MEF2C: variants seen among roughly 807,000 people sequenced by gnomAD.
The protein encoded by MEF2C is myocyte enhancer factor 2C.
A neutral mutation model predicts 50.5 loss-of-function variants in MEF2C; 6 were observed. That is an observed-to-expected ratio of 0.12 (90% CI 0.07 to 0.23). The LOEUF (loss-of-function observed/expected upper bound fraction) is 0.23, where lower values mean the gene tolerates loss of function less well. MEF2C is among the 10% of genes least tolerant of loss of function. The probability of loss-of-function intolerance (pLI) is 1.00; values close to 1 mark genes in which losing one functional copy is unlikely to be tolerated. For synonymous variants in MEF2C, 183 were observed against 228.0 expected, an observed-to-expected ratio of 0.80 and a Z score of 1.78; for missense variants, 276 against 605.0, an observed-to-expected ratio of 0.46 and a Z score of 5.70.
intron 6 of MEF2C, chr5:88,737,578 A>G (rs569294898): frequency 5.6e-5 from 55 of 985,268 alleles, no homozygotes; most frequent in Non-Finnish European, 6.6e-5. Flanking sequence ...TTTTCACCAA[A>G]AGATAAGCTG....
chr5:88,817,265 AAAGT>A (rs1441335549), intron 2 of MEF2C, among the ~76,000 whole-genome samples: 1 of 151,998 alleles, frequency 6.6e-6, no homozygotes, highest in African/African-American at 2.4e-5. Flanking sequence ...AAACCAGGAA[AAAGT>A]AAGGAGTAAA....
At chr5:88,876,677 C>T (rs1581893911) in intron 1 of MEF2C, among the ~76,000 whole-genome samples, 1 of 151,930 alleles carries the variant, frequency 6.6e-6, no homozygotes, top group South Asian at 2.1e-4. Flanking sequence ...GAAGGATGCA[C>T]ATTCTCTTGC....
intron 3 of MEF2C, among the ~76,000 whole-genome samples, chr5:88,783,823 A>T (rs779250780): frequency 1.3e-5 from 2 of 152,106 alleles, no homozygotes; most frequent in Admixed American, 6.5e-5. Flanking sequence ...TTCTACCTTA[A>T]TTGGACTGTA....
chr5:88,821,781 G>A (rs540659501), intron 2 of MEF2C, among the ~76,000 whole-genome samples: 1 of 151,804 alleles, frequency 6.6e-6, no homozygotes, highest in African/African-American at 2.4e-5. Flanking sequence ...ATGGAGTGGG[G>A]AGGGGATAAA....
intron 1 of MEF2C, among the ~76,000 whole-genome samples, chr5:88,838,016 C>A (rs886413547): frequency 1.9e-4 from 29 of 152,152 alleles, no homozygotes; most frequent in African/African-American, 7.0e-4. Context: ...CAAGGTCACA[C>A]AGCTAGTGTT....
intron 3 of MEF2C, among the ~76,000 whole-genome samples, chr5:88,788,920 T>C (rs1480778509): frequency 6.6e-6 from 1 of 152,208 alleles, no homozygotes; most frequent in African/African-American, 2.4e-5. Flanking sequence ...AATAAACTTA[T>C]GTCCTATTGA....
At chr5:88,830,624 T>C (rs570169596) in intron 1 of MEF2C, among the ~76,000 whole-genome samples, 229 of 152,228 alleles carry the variant, frequency 1.5e-3, no homozygotes, top group African/African-American at 5.3e-3. Flanking sequence ...GGTCTAAATA[T>C]GTGAAGAACC....
At chr5:88,805,053 G>A (rs1799800083) in intron 2 of MEF2C, among the ~76,000 whole-genome samples, 1 of 152,064 alleles carries the variant, frequency 6.6e-6, no homozygotes, top group Non-Finnish European at 1.5e-5. Flanking sequence ...TTTTAATGAA[G>A]GTGACCAGGG....
chr5:88,894,352 T>G (rs1834896581), intron 1 of MEF2C, among the ~76,000 whole-genome samples: 1 of 152,210 alleles, frequency 6.6e-6, no homozygotes, highest in African/African-American at 2.4e-5. Context: ...GTTTGTTCAC[T>G]TATAGTGATA....
chr5:88,824,237 A>C, intron 1 of MEF2C: 1 of 973,646 alleles, frequency 1.0e-6, no homozygotes. Flanking sequence ...TAATCTTTTT[A>C]ATGAAATTAG....
chr5:88,780,618 G>A (rs768424822), intron 3 of MEF2C: 19 of 302,538 alleles, frequency 6.3e-5, no homozygotes, highest in East Asian at 3.5e-4. Flanking sequence ...AAAATACTGC[G>A]GGAGCCAGGG....
At chr5:88,768,443 T>C (rs1780960842) in intron 3 of MEF2C, among the ~76,000 whole-genome samples, 1 of 152,206 alleles carries the variant, frequency 6.6e-6, no homozygotes, top group Non-Finnish European at 1.5e-5. Flanking sequence ...ACTGCTACTA[T>C]ATGTCAGGTG....
chr5:88,856,698 A>G (rs1823523208), intron 1 of MEF2C, among the ~76,000 whole-genome samples: 1 of 152,246 alleles, frequency 6.6e-6, no homozygotes, highest in African/African-American at 2.4e-5. Flanking sequence ...AGAGGGTTCA[A>G]GCTCCAAGCC....
chr5:88,859,023 G>A (rs529603760), intron 1 of MEF2C, among the ~76,000 whole-genome samples: 3 of 152,244 alleles, frequency 2.0e-5, no homozygotes, highest in African/African-American at 4.8e-5. Context: ...TGCCTGTCTC[G>A]TCAGAGTGCT....
In MEF2C at chr5:88,828,566, C is replaced by T. The variant is rs1413938419; in HGVS notation, c.-142-4636G>A. ...TTAAATAAATACAAGCTGGATACAT[C>T]GTAAGGGGCAAAAATGATCATAAGC... On this transcript the variant is annotated intron_variant, in intron 1 of 10. Coordinates refer to ENST00000504921, the MANE Select transcript of MEF2C (RefSeq NM_002397.5). Among the ~76,000 whole-genome samples, 5 of 151,936 alleles carry T rather than the reference C, an allele frequency of 3.3e-5. No individual in the cohort carries two copies. The South Asian group carries it at 8.3e-4, about 25-fold the overall frequency.
At chr5:88,893,232 A>G (rs1834776027) in intron 1 of MEF2C, among the ~76,000 whole-genome samples, 1 of 152,220 alleles carries the variant, frequency 6.6e-6, no homozygotes, top group Admixed American at 6.5e-5. Flanking sequence ...TTAAGACAGA[A>G]GAGTTTAGAA....
upstream of MEF2C, chr5:88,884,192 T>A (rs935951440): frequency 6.6e-6 from 1 of 152,222 alleles, no homozygotes; most frequent in African/African-American, 2.4e-5. Context: ...AGCAGGAAAG[T>A]CCTTCTAAAG....
At chr5:88,789,060 A>T (rs1038276071) in intron 3 of MEF2C, among the ~76,000 whole-genome samples, 1 of 152,208 alleles carries the variant, frequency 6.6e-6, no homozygotes, top group Non-Finnish European at 1.5e-5. Flanking sequence ...TTAAATAGTA[A>T]TATGCACACT....
chr5:88,752,775 G>A, intron 4 of MEF2C: 1 of 985,222 alleles, frequency 1.0e-6, no homozygotes, highest in Non-Finnish European at 1.2e-6. Flanking sequence ...GATTAATCCA[G>A]GTTTCAATGA....
Sources: gnomAD v4.1 joint callset for allele counts (sites outside exome capture counted in the v4.1 genomes callset) on GRCh38, gnomAD v4.1.1 for gene constraint, MANE v1.5 for transcripts, NCBI Gene and HGNC (gene_info 2026-07-23, HGNC 2026-07-21) for gene names.